The following LACC1 variants were observed in gnomAD, a reference collection of about 807,000 sequenced individuals.
The protein encoded by LACC1 is purine nucleoside phosphorylase LACC1.
In LACC1, 25 loss-of-function variants were observed where a neutral mutation model predicts 34.8. The ratio of observed to expected loss-of-function variants is 0.72; its 90% CI spans 0.52 to 1.00. The LOEUF (loss-of-function observed/expected upper bound fraction) is 1.00. Among genes scored for constraint, LACC1 ranks in the 50% least tolerant of loss-of-function variants. The pLI is 0.00. For synonymous variants in LACC1, 162 were observed against 168.0 expected (o/e 0.96, Z 0.28); for missense variants, 426 against 511.2 (o/e 0.83, Z 1.61).
intron 3 of LACC1, 80 bp from the exon 4 acceptor site, chr13:43,883,691 A>G (rs1178071794): frequency 6.6e-6 from 7 of 1,063,994 alleles, no homozygotes; most frequent in Non-Finnish European, 9.2e-6. Context: ...ATTTTATACT[A>G]CAATGAGTAC....
At chr13:43,888,182 ATCAG>A (rs1323059496) in intron 4 of LACC1, among the ~76,000 whole-genome samples, 4 of 152,318 alleles carry the variant, frequency 2.6e-5, no homozygotes, top group East Asian at 1.9e-4. Flanking sequence ...GCTAAGTGAA[ATCAG>A]TCAGTCACAA....
At chr13:43,891,223 G>A (rs1192245758) in intron 6 of LACC1, among the ~76,000 whole-genome samples, 1 of 152,102 alleles carries the variant, frequency 6.6e-6, no homozygotes, top group African/African-American at 2.4e-5. Flanking sequence ...TGGTTTTGTT[G>A]GAATTATACA....
At position 43,881,511 on chromosome 13, in the gene LACC1, G is replaced by A. The variant is rs1369436206; in HGVS notation, c.526G>A (p.Gly176Arg). The A allele has an allele frequency of 2.5e-6, 4 of 1,608,792 alleles. No individual in the cohort carries two copies. Among genetic ancestry groups the A allele is most frequent in the African/African-American group, 1.3e-5 (1 of 74,446 alleles). Reference sequence around the variant, plus strand: ...TTTGAGAAGTCTGCCAGCACTGAGAGGAAAATTAACTATTATCACTTCTTC... The same window carrying A: ...TTTGAGAAGTCTGCCAGCACTGAGAAGAAAATTAACTATTATCACTTCTTC... The part of the protein sequence containing the change: ...TFLRSLPALR[G>R]KLTIITSSLI... The change falls in exon 2 of 7, where the codon GGA becomes AGA. Residue 176 changes from glycine (G) to arginine (R), a missense_variant. By Grantham distance (125) the Gly-to-Arg change is moderately radical. This residue lies in a region of LACC1 where 217 missense variants were observed against 210.9 expected (regional missense o/e 1.03). Transcript: ENST00000325686.
intron 4 of LACC1, among the ~76,000 whole-genome samples, chr13:43,886,173 C>T (rs185065233): frequency 6.6e-6 from 1 of 152,298 alleles, no homozygotes; most frequent in East Asian, 1.9e-4. Context: ...TAAATTAGTT[C>T]AGCCACTGTG....
In LACC1 at chr13:43,883,812, G is replaced by T; in HGVS notation, c.783G>T (p.Glu261Asp). 6.2e-7 allele frequency: 1 copy of T among 1,613,520 alleles called. No individual in the cohort carries two copies. The highest frequency in any genetic ancestry group is 8.5e-7 in the Non-Finnish European group (1 of 1,179,612). The part of the protein sequence containing the change: ...SNDIWIMGRK[E>D]PDSYDGITTN... ...ACATCTGGATTATGGGAAGAAAGGA[G>T]CCTGACTCTTATGATGGAATAACCA... The change falls in exon 4 of 7, where the codon GAG (glutamate) becomes GAT (aspartate). Residue 261 changes from glutamate to aspartate, a missense_variant. This residue lies in a region of LACC1 where 209 missense variants were observed against 300.3 expected (regional missense o/e 0.70). Transcript: ENST00000325686.
At chr13:43,885,646 T>C (rs1188569247) in intron 4 of LACC1, among the ~76,000 whole-genome samples, 1 of 151,936 alleles carries the variant, frequency 6.6e-6, no homozygotes, top group African/African-American at 2.4e-5. Context: ...CCTAAAACTA[T>C]TAAAACCCTA....
chr13:43,889,991 T>C, intron 5 of LACC1, 123 bp from the exon 6 acceptor site: 2 of 745,350 alleles, frequency 2.7e-6, no homozygotes, highest in South Asian at 1.9e-5. Flanking sequence ...AATAACAATA[T>C]ACATTGTTCT....
intron 3 of LACC1, 76 bp from the exon 4 acceptor site, chr13:43,883,695 T>C (rs1057037930): frequency 9.0e-6 from 10 of 1,106,392 alleles, no homozygotes; most frequent in Non-Finnish European, 1.3e-5. Context: ...TATACTACAA[T>C]GAGTACCTTC....
chr13:43,882,564 G>GATATATATATATAT (rs56292789), intron 3 of LACC1, among the ~76,000 whole-genome samples: 1,897 of 139,036 alleles, frequency 0.014, 30 homozygotes, highest in South Asian at 0.057. Flanking sequence ...CACACGTGCA[G>GATATATATATATAT]ATATATATAT....
At chr13:43,890,767 G>A (rs1305266950) in intron 6 of LACC1, among the ~76,000 whole-genome samples, 1 of 152,112 alleles carries the variant, frequency 6.6e-6, no homozygotes, top group African/African-American at 2.4e-5. Flanking sequence ...TTTTCAACTA[G>A]ATTTCCAAAT....
At chr13:43,882,542 T>TAC (rs375149836) in intron 3 of LACC1, among the ~76,000 whole-genome samples, 179 bp downstream of exon 3, 5,951 of 133,888 alleles carry the variant, frequency 0.044, 237 homozygotes, top group African/African-American at 0.1. Context: ...TTCTATTTTA[T>TAC]ACACACACAC....
intron 1 of LACC1, 69 bp from the exon 2 acceptor site, chr13:43,880,883 A>G (rs2138257976): frequency 6.8e-6 from 7 of 1,036,204 alleles, no homozygotes; most frequent in Non-Finnish European, 9.7e-6. Flanking sequence ...TTTTTAATCT[A>G]CCACAAATTT....
At chr13:43,883,233 C>T (rs754257225) in intron 3 of LACC1, among the ~76,000 whole-genome samples, 5 of 152,134 alleles carry the variant, frequency 3.3e-5, no homozygotes, top group Non-Finnish European at 5.9e-5. Context: ...ACAGTTAATT[C>T]TCAGAGAGTA....
Position 43,891,619 on chromosome 13 carries a change from A to G in LACC1, c.*172A>G, listed in dbSNP as rs1384826012. The G allele has an allele frequency of 3.9e-6, 3 of 771,468 alleles. No homozygotes were observed. Among genetic ancestry groups the G allele is most frequent in the African/African-American group, 1.9e-5 (1 of 53,022 alleles). The allele number at this position is 771,468 out of a possible 1,614,324, so 47.8% of individuals were successfully genotyped here. A position where few individuals can be genotyped will look rare whatever the true frequency, so the allele number is the denominator to read the frequency against. On this transcript the variant is annotated 3_prime_UTR_variant, in exon 7 of 7. Transcript: ENST00000325686. ...GCCAAATGATTTTCATTTAATTGTA[A>G]TAATAACTGACAAAAATCAGTATGT... is the stretch of plus-strand genomic sequence containing the variant.
chr13:43,883,627 A>G lies in LACC1; in HGVS notation c.742-144A>G, dbSNP rs1056560123. 6 of 479,870 alleles carry G rather than the reference A, an allele frequency of 1.3e-5. No homozygotes were observed. The South Asian group carries it at 4.0e-4, about 32-fold the overall frequency. 29.7% of individuals were successfully genotyped at this position (479,870 alleles called of 1,614,324 possible). A position where few individuals can be genotyped will look rare whatever the true frequency, so the allele number is the denominator to read the frequency against. The stretch of plus-strand genomic sequence containing the variant: ...TTATAAGTAAATTTTGTGTTTTCCC[A>G]TATATAAAAGTGATATATTTAATGA... On this transcript the variant is annotated intron_variant, in intron 3 of 6. Transcript: ENST00000325686.
intron 5 of LACC1, among the ~76,000 whole-genome samples, chr13:43,889,562 C>G (rs1269652002): frequency 6.6e-6 from 1 of 152,126 alleles, no homozygotes; most frequent in Non-Finnish European, 1.5e-5. Context: ...ATTCCAGTCG[C>G]CAAAACTTTA....
At chr13:43,882,423 T>A in intron 3 of LACC1, 60 bp downstream of exon 3, 3 of 1,267,924 alleles carry the variant, frequency 2.4e-6, no homozygotes, top group Non-Finnish European at 2.2e-6. Flanking sequence ...TGCTAGTAAC[T>A]ACATGGACTT....
rs202177718 is a variant in LACC1 at position 43,888,766 on chromosome 13, G to T, written c.917G>T (p.Gly306Val). Residue 306 changes from glycine (G) to valine (V), a missense_variant, in exon 5 of 7, where the codon GGT (glycine) becomes GTT (valine). Gly to Val is a moderately radical substitution (Grantham distance 109). Around this residue, in one of 2 missense-constraint regions of LACC1, gnomAD observed 209 missense variants for 300.3 expected, o/e 0.70. Coordinates refer to ENST00000325686, the MANE Select transcript of LACC1 (RefSeq NM_153218.4). ...ACGVAHAGWK[G>V]TLLGVAMATV... ...TATTCCTATTTACCAGGTTGGAAAG[G>T]TACTTTGTTGGGTGTTGCTATGGCT... 3.1e-6 allele frequency: 5 copies of T among 1,613,326 alleles called. No individual in the cohort carries two copies. Among genetic ancestry groups the T allele is most frequent in the Non-Finnish European group, 4.2e-6 (5 of 1,179,434 alleles).
At chr13:43,890,036 A>T in intron 5 of LACC1, 78 bp from the exon 6 acceptor site, 1 of 1,263,922 alleles carries the variant, frequency 7.9e-7, no homozygotes, top group African/African-American at 1.5e-5. Flanking sequence ...TCATGCCAAC[A>T]TCCATACTTT....
Sources: gnomAD v4.1 joint callset for allele counts (sites outside exome capture counted in the v4.1 genomes callset) on GRCh38, gnomAD v4.1.1 for gene constraint, gnomAD v4.1.1 regional missense constraint, MANE v1.5 for transcripts, NCBI Gene and HGNC (gene_info 2026-07-23, HGNC 2026-07-21) for gene names.